Variants in EPC2 observed in about 807,000 individuals in gnomAD.
EPC2 encodes the protein enhancer of polycomb 2, also known as enhancer of polycomb homolog 2.
Under a neutral mutation model 92.1 loss-of-function variants are expected in EPC2, and 14 were observed. That is an observed-to-expected ratio of 0.15 (90% CI 0.10 to 0.24). EPC2 has a LOEUF of 0.24. Among genes scored for constraint, EPC2 ranks in the 10% least tolerant of loss-of-function variants. The pLI is 1.00. For synonymous variants in EPC2, 340 were observed against 334.7 expected (o/e 1.02, Z -0.17); for missense variants, 755 against 971.5 (o/e 0.78, Z 2.96).
rs1279961215 is a variant in EPC2, at chr2:148,781,642, A to G, written c.1721-2A>G. The G allele has an allele frequency of 1.9e-6, 3 of 1,608,864 alleles. No individual in the cohort carries two copies. Among genetic ancestry groups the G allele is most frequent in the South Asian group, 2.2e-5 (2 of 89,766 alleles). On this transcript the variant is annotated splice_acceptor_variant, in intron 10 of 13. Coordinates refer to ENST00000258484, the MANE Select transcript of EPC2 (RefSeq NM_015630.4). LOFTEE classifies it high-confidence loss of function. ...ATTTCCAAAATTCATGTTCTTTACC[A>G]GTAACAGGGGGTATCACAGAAGAGC...
intron 1 of EPC2, among the ~76,000 whole-genome samples, chr2:148,648,414 A>G (rs147801523): frequency 1.3e-5 from 2 of 152,338 alleles, no homozygotes; most frequent in East Asian, 1.9e-4. Context: ...ACATTTCACA[A>G]ATGTTTTGTG....
intron 2 of EPC2, among the ~76,000 whole-genome samples, chr2:148,725,434 T>C (rs1300886429): frequency 6.6e-6 from 1 of 152,122 alleles, no homozygotes; most frequent in Non-Finnish European, 1.5e-5. Flanking sequence ...TTAGAGTAAG[T>C]TGTAAATGTT....
intron 1 of EPC2, among the ~76,000 whole-genome samples, chr2:148,659,692 C>T (rs1680894807): frequency 6.6e-6 from 1 of 151,892 alleles, no homozygotes; most frequent in African/African-American, 2.4e-5. Context: ...TTGAGACTAG[C>T]CCAGGCAACA....
intron 2 of EPC2, among the ~76,000 whole-genome samples, chr2:148,713,648 A>T (rs1457267693): frequency 1.3e-5 from 2 of 152,136 alleles, no homozygotes; most frequent in Admixed American, 6.5e-5. Flanking sequence ...GATGTGCCCT[A>T]TACAGTATAT....
rs1458456594 is a variant in EPC2, at chr2:148,775,071, A to G, written c.1720+3684A>G. ...GCCACTGCACTCCAGCCTGGGCAGC[A>G]GAGCGAGACTCCCTCTCAAAAAAAA... is the stretch of plus-strand genomic sequence containing the variant. On this transcript the variant is annotated intron_variant, in intron 10 of 13. Transcript: ENST00000258484. 6.2e-5 allele frequency among the ~76,000 whole-genome samples: 9 copies of G among 145,250 alleles called. No homozygotes were observed. The Admixed American group carries it at 6.4e-4, about 10-fold the overall frequency.
At chr2:148,692,457 T>C (rs1225877696) in intron 2 of EPC2, 1 of 152,248 alleles carries the variant, frequency 6.6e-6, no homozygotes, top group Non-Finnish European at 1.5e-5. Context: ...GTCGACTGAA[T>C]TGTTTTAAAA....
At chr2:148,750,102 C>A (rs1683058846) in intron 3 of EPC2, among the ~76,000 whole-genome samples, 1 of 151,742 alleles carries the variant, frequency 6.6e-6, no homozygotes, top group Admixed American at 6.6e-5. Flanking sequence ...TTGAAGAGAT[C>A]TTTTTTTTCT....
At chr2:148,707,912 A>G (rs577084920) in intron 2 of EPC2, among the ~76,000 whole-genome samples, 240 of 152,344 alleles carry the variant, frequency 1.6e-3, no homozygotes, top group Non-Finnish European at 2.6e-3. Flanking sequence ...TCTAAAATTG[A>G]CACCCTAACA....
chr2:148,666,397 G>C (rs1681056235), intron 1 of EPC2, among the ~76,000 whole-genome samples: 1 of 152,148 alleles, frequency 6.6e-6, no homozygotes, highest in Non-Finnish European at 1.5e-5. Context: ...TCCTGCCTTG[G>C]CCTCCCAAAG....
At chr2:148,700,175 C>T (rs1411004355) in intron 2 of EPC2, among the ~76,000 whole-genome samples, 1 of 152,040 alleles carries the variant, frequency 6.6e-6, no homozygotes, top group East Asian at 1.9e-4. Context: ...TGTGCCTTGT[C>T]TTTTCATTCA....
intron 2 of EPC2, among the ~76,000 whole-genome samples, chr2:148,738,773 C>T (rs1682817957): frequency 6.6e-6 from 1 of 152,186 alleles, no homozygotes; most frequent in South Asian, 2.1e-4. Flanking sequence ...CCTTTCTCTT[C>T]TGCTTTGAAA....
intron 1 of EPC2, among the ~76,000 whole-genome samples, chr2:148,679,338 A>G (rs1318329559): frequency 6.6e-6 from 1 of 152,192 alleles, no homozygotes; most frequent in Non-Finnish European, 1.5e-5. Context: ...TGCCATAACT[A>G]AGAGCAAATC....
At chr2:148,677,996 T>G (rs1372076523) in intron 1 of EPC2, among the ~76,000 whole-genome samples, 5 of 152,082 alleles carry the variant, frequency 3.3e-5, no homozygotes, top group Admixed American at 3.3e-4. Context: ...CCCGAGCGGG[T>G]TGCCACTGCT....
intron 10 of EPC2, among the ~76,000 whole-genome samples, chr2:148,776,765 C>A (rs1274051516): frequency 6.6e-6 from 1 of 151,664 alleles, no homozygotes; most frequent in East Asian, 1.9e-4. Context: ...CCTCTGTAAT[C>A]TAGCACTTCG....
intron 1 of EPC2, among the ~76,000 whole-genome samples, chr2:148,679,225 T>C (rs1323582300): frequency 1.3e-5 from 2 of 152,224 alleles, no homozygotes; most frequent in African/African-American, 4.8e-5. Context: ...TCATCAGCAT[T>C]ACTAGGACAG....
rs1558840577 is a variant in EPC2 at position 148,784,760 on chromosome 2, A to ACTACAAAC, written c.2112_2119dup (p.His707LeufsTer5). ...GCTTGTAAGGACAGTTGGCCACACC[A>ACTACAAAC]CTACAAACCACTTAATCCCAGCATT... On this transcript the variant is annotated frameshift_variant, in exon 13 of 14. Transcript: ENST00000258484. LOFTEE classifies it high-confidence loss of function. The ACTACAAAC allele has an allele frequency of 6.2e-7, 1 of 1,613,968 alleles. No homozygotes were observed. The highest frequency in any genetic ancestry group is 1.1e-5 in the South Asian group (1 of 91,086).
At chr2:148,733,146 A>G (rs114616003) in intron 2 of EPC2, among the ~76,000 whole-genome samples, 1,774 of 146,904 alleles carry the variant, frequency 0.012, 14 homozygotes, top group Middle Eastern at 0.025. Flanking sequence ...TTCAAACAGT[A>G]TCTCTTGATA....
At chr2:148,699,254 C>CT (rs1681825064) in intron 2 of EPC2, among the ~76,000 whole-genome samples, 1 of 152,188 alleles carries the variant, frequency 6.6e-6, no homozygotes, top group Admixed American at 6.5e-5. Context: ...CTTTCTCCTA[C>CT]TATTAGTATC....
intron 1 of EPC2, among the ~76,000 whole-genome samples, chr2:148,654,940 G>T (rs1042387351): frequency 5.9e-5 from 9 of 152,126 alleles, no homozygotes; most frequent in Admixed American, 4.6e-4. Flanking sequence ...ATAAGTTTTA[G>T]TGATGAAAAT....
Sources: gnomAD v4.1 joint callset for allele counts (sites outside exome capture counted in the v4.1 genomes callset) on GRCh38, gnomAD v4.1.1 for gene constraint, MANE v1.5 for transcripts, NCBI Gene and HGNC (gene_info 2026-07-23, HGNC 2026-07-21) for gene names.